The following CNTN4 variants were observed in gnomAD, a reference collection of about 807,000 sequenced individuals.
CNTN4 encodes the protein contactin-4.
CNTN4 carries 77 observed loss-of-function variants against 122.5 expected under a neutral mutation model. That is an observed-to-expected ratio of 0.63 (90% CI 0.52 to 0.76). CNTN4 has a LOEUF of 0.76. CNTN4 is among the 30% of genes least tolerant of loss of function. The pLI is 0.00. For missense variants in CNTN4, 1,256 were observed against 1,259.1 expected (o/e 1.00, Z 0.04); for synonymous variants, 512 against 447.0 (o/e 1.15, Z -1.83).
At chr3:2,667,118 G>T (rs1402993463) in intron 4 of CNTN4, among the ~76,000 whole-genome samples, 1 of 152,078 alleles carries the variant, frequency 6.6e-6, no homozygotes, top group African/African-American at 2.4e-5. Context: ...TAATGGGATG[G>T]CTGGGTCAAA....
intron 2 of CNTN4, among the ~76,000 whole-genome samples, chr3:2,191,960 A>G (rs918016725): frequency 1.3e-5 from 2 of 150,756 alleles, no homozygotes; most frequent in Non-Finnish European, 2.9e-5. Context: ...GTTCCCACCT[A>G]TGAGTGAGAA....
At chr3:2,485,144 G>A (rs557124429) in intron 3 of CNTN4, among the ~76,000 whole-genome samples, 202 of 152,330 alleles carry the variant, frequency 1.3e-3, no homozygotes, top group South Asian at 0.011. Flanking sequence ...CTGCCTCCCC[G>A]TGGGGCAGGG....
chr3:2,711,492 T>C (rs985423596), intron 4 of CNTN4, among the ~76,000 whole-genome samples: 28 of 152,174 alleles, frequency 1.8e-4, no homozygotes, highest in African/African-American at 6.8e-4. Context: ...ATATGATATA[T>C]TCCAAATTCC....
At chr3:2,302,626 G>A (rs1007644680) in intron 2 of CNTN4, among the ~76,000 whole-genome samples, 20 of 152,178 alleles carry the variant, frequency 1.3e-4, no homozygotes, top group Non-Finnish European at 2.1e-4. Flanking sequence ...GAGCCAGATA[G>A]TAATAATTAA....
intron 13 of CNTN4, among the ~76,000 whole-genome samples, chr3:2,952,216 G>T (rs892608600): frequency 6.6e-6 from 1 of 152,210 alleles, no homozygotes; most frequent in Non-Finnish European, 1.5e-5. Flanking sequence ...ATGGTTTCTA[G>T]GATATAGTTG....
intron 2 of CNTN4, among the ~76,000 whole-genome samples, chr3:2,190,835 TACACACAC>T (rs71056397): frequency 9.1e-6 from 1 of 109,976 alleles, no homozygotes; most frequent in African/African-American, 3.3e-5. Flanking sequence ...CACACACACA[TACACACAC>T]ACACATAAAT....
intron 6 of CNTN4, among the ~76,000 whole-genome samples, chr3:2,812,737 G>C (rs967893827): frequency 3.3e-5 from 5 of 152,160 alleles, no homozygotes; most frequent in African/African-American, 1.2e-4. Flanking sequence ...GGACCAGGCA[G>C]CATCTTAAGT....
At chr3:3,005,871 C>G (rs1329916288) in intron 14 of CNTN4, among the ~76,000 whole-genome samples, 1 of 148,218 alleles carries the variant, frequency 6.7e-6, no homozygotes, top group South Asian at 2.1e-4. Flanking sequence ...CACTCTATCT[C>G]AGCACACTGT....
At chr3:2,419,233 G>A (rs1233365026) in intron 3 of CNTN4, among the ~76,000 whole-genome samples, 1 of 152,078 alleles carries the variant, frequency 6.6e-6, no homozygotes, top group Admixed American at 6.6e-5. Flanking sequence ...AAATTATATT[G>A]GATGAAAAGC....
intron 2 of CNTN4, among the ~76,000 whole-genome samples, chr3:2,303,523 A>T (rs1164690800): frequency 6.6e-6 from 1 of 152,192 alleles, no homozygotes; most frequent in Non-Finnish European, 1.5e-5. Context: ...AGCATGTATC[A>T]ATTTCTTTTT....
chr3:2,577,722 C>G (rs1161319362), intron 4 of CNTN4, among the ~76,000 whole-genome samples: 1 of 152,176 alleles, frequency 6.6e-6, no homozygotes, highest in Admixed American at 6.5e-5. Flanking sequence ...ATTCTGTTCA[C>G]ATTGGCAGCA....
intron 2 of CNTN4, among the ~76,000 whole-genome samples, chr3:2,113,924 A>G (rs1163021604): frequency 2.0e-5 from 3 of 152,202 alleles, no homozygotes; most frequent in Non-Finnish European, 4.4e-5. Flanking sequence ...GTGATTGGTC[A>G]GTCTTTGCTG....
At chr3:2,273,877 T>C (rs2041396185) in intron 2 of CNTN4, among the ~76,000 whole-genome samples, 3 of 152,190 alleles carry the variant, frequency 2.0e-5, no homozygotes, top group African/African-American at 7.2e-5. Context: ...TTTTTTCTTA[T>C]GAGGTATCTA....
At chr3:2,123,575 C>G (rs2033932066) in intron 2 of CNTN4, among the ~76,000 whole-genome samples, 1 of 152,172 alleles carries the variant, frequency 6.6e-6, no homozygotes, top group African/African-American at 2.4e-5. Flanking sequence ...TGTGGTGTAT[C>G]TTCCCATGCT....
intron 3 of CNTN4, among the ~76,000 whole-genome samples, chr3:2,503,293 A>T (rs1003887370): frequency 2.6e-5 from 4 of 152,176 alleles, no homozygotes; most frequent in Non-Finnish European, 2.9e-5. Flanking sequence ...TAGTTATATG[A>T]CAAAGCAGGC....
At chr3:2,821,360 G>A (rs1195350883) in intron 7 of CNTN4, among the ~76,000 whole-genome samples, 4 of 152,200 alleles carry the variant, frequency 2.6e-5, no homozygotes, top group Non-Finnish European at 4.4e-5. Context: ...GAAGTGCTTA[G>A]CATGTGGTAT....
intron 2 of CNTN4, among the ~76,000 whole-genome samples, chr3:2,298,926 T>G (rs989838578): frequency 6.6e-6 from 1 of 152,204 alleles, no homozygotes; most frequent in Admixed American, 6.5e-5. Flanking sequence ...TTGAAATGAT[T>G]AGACATTAAA....
intron 3 of CNTN4, among the ~76,000 whole-genome samples, chr3:2,566,100 A>C (rs1324424787): frequency 6.6e-6 from 1 of 152,174 alleles, no homozygotes; most frequent in Non-Finnish European, 1.5e-5. Flanking sequence ...TGAGTATTAC[A>C]GATTCTGCAC....
chr3:2,385,952 C>G lies in CNTN4; in HGVS notation c.-89+46719C>G, dbSNP rs934528344. Among the ~76,000 whole-genome samples, 1 of 152,006 alleles carries G rather than the reference C, an allele frequency of 6.6e-6. No homozygotes were observed. The highest frequency in any genetic ancestry group is 1.5e-5 in the Non-Finnish European group (1 of 68,016). On this transcript the variant is annotated intron_variant, in intron 3 of 24. Coordinates refer to ENST00000418658, the MANE Select transcript of CNTN4 (RefSeq NM_175607.3). The surrounding 1 kb of genome is among the most constrained non-coding windows in gnomAD (Gnocchi z 4.0). The stretch of plus-strand genomic sequence containing the variant: ...TGCATTCTCACTCAGCAGTCGCTCC[C>G]GAGAATCCTTCTTTTTATGTTCAGA...
Sources: allele counts gnomAD v4.1 joint callset (sites outside exome capture counted in the v4.1 genomes callset), GRCh38; gene constraint gnomAD v4.1.1; non-coding constraint Gnocchi (gnomAD v3.1); transcripts MANE v1.5; gene names NCBI Gene and HGNC (gene_info 2026-07-23, HGNC 2026-07-21).